FAM170A: variants seen among roughly 807,000 people sequenced by gnomAD.
The protein encoded by FAM170A is protein FAM170A.
FAM170A carries 28 observed loss-of-function variants against 36.6 expected under a neutral mutation model. That is an observed-to-expected ratio of 0.76 (90% CI 0.57 to 1.05). FAM170A has a LOEUF of 1.05. FAM170A is among the 50% of genes least tolerant of loss of function. The pLI is 0.00. For missense variants in FAM170A, 434 were observed against 396.5 expected (o/e 1.09, Z -0.80); for synonymous variants, 156 against 143.9 (o/e 1.08, Z -0.60).
chr5:119,634,520 C>G, exon 3 of FAM170A: 1 of 1,613,580 alleles, frequency 6.2e-7, no homozygotes, highest in Non-Finnish European at 8.5e-7. Context: ...CTTCAGCTGC[C>G]ACGTCTTTCA....
chr5:119,629,745 C>T, exon 1 of FAM170A: 2 of 1,601,108 alleles, frequency 1.2e-6, no homozygotes, highest in Non-Finnish European at 1.7e-6. Context: ...TAAGCATCTT[C>T]TAGAAACTCT....
intron 1 of FAM170A, among the ~76,000 whole-genome samples, chr5:119,630,048 C>T (rs979405121): frequency 5.9e-5 from 9 of 151,816 alleles, no homozygotes; most frequent in South Asian, 2.1e-4. Context: ...CCCACCACCA[C>T]GCCCGGCTAA....
exon 2 of FAM170A, chr5:119,632,812 C>A: frequency 6.2e-7 from 1 of 1,613,086 alleles, no homozygotes; most frequent in Non-Finnish European, 8.5e-7. Context: ...AAGGCTGGAG[C>A]CAAGGGGTGG....
chr5:119,634,437 G>T, exon 3 of FAM170A: 1 of 1,614,160 alleles, frequency 6.2e-7, no homozygotes, highest in East Asian at 2.2e-5. Context: ...GGCTTCAGGT[G>T]CATGGCCTGC....
intron 2 of FAM170A, among the ~76,000 whole-genome samples, chr5:119,633,556 C>T (rs549904623): frequency 6.7e-6 from 1 of 150,342 alleles, no homozygotes; most frequent in South Asian, 2.4e-4. Context: ...ACACCTCACA[C>T]ATACAGCCAC....
At chr5:119,634,630 A>T in exon 3 of FAM170A, 1 of 1,611,372 alleles carries the variant, frequency 6.2e-7, no homozygotes. Context: ...AAGAGAAACC[A>T]GAAGCAAAGG....
At chr5:119,630,849 C>T (rs941361526) in intron 1 of FAM170A, among the ~76,000 whole-genome samples, 1 of 152,180 alleles carries the variant, frequency 6.6e-6, no homozygotes, top group African/African-American at 2.4e-5. Context: ...CACCTTTTAG[C>T]AGAAACGAGA....
chr5:119,634,048 A>T (rs1050290931), exon 3 of FAM170A: 3 of 1,614,040 alleles, frequency 1.9e-6, no homozygotes, highest in Non-Finnish European at 1.7e-6. Flanking sequence ...CCCGCTCACA[A>T]CATGTCTCCT....
At chr5:119,629,890 C>A in intron 1 of FAM170A, 52 bp downstream of exon 1, 4 of 1,419,842 alleles carry the variant, frequency 2.8e-6, no homozygotes, top group Non-Finnish European at 4.0e-6. Flanking sequence ...CCAGCCTGAG[C>A]CGCCTTCTTT....
At position 119,632,889 on chromosome 5, in the gene FAM170A, G is replaced by T. The variant is rs540577967; in HGVS notation, c.211+1G>T. On this transcript the variant is annotated splice_donor_variant, in intron 2 of 4. Transcript: ENST00000613773. LOFTEE classifies it high-confidence loss of function. Reference sequence around the variant, plus strand: ...TCTTCACGCAAGCTCATCCACAGTGGTAAGGGTGCAGGGTTCCTTCGGCAC... The same window carrying T: ...TCTTCACGCAAGCTCATCCACAGTGTTAAGGGTGCAGGGTTCCTTCGGCAC... 1.3e-6 allele frequency: 2 copies of T among 1,596,660 alleles called. No individual in the cohort carries two copies. Among genetic ancestry groups the T allele is most frequent in the East Asian group, 4.5e-5 (2 of 44,474 alleles).
At chr5:119,634,300 C>T in exon 3 of FAM170A, 1 of 1,614,184 alleles carries the variant, frequency 6.2e-7, no homozygotes, top group Non-Finnish European at 8.5e-7. Context: ...TCCTGTCTGA[C>T]AGTGAGCCCA....
chr5:119,631,643 T>A (rs1756254530), intron 1 of FAM170A, among the ~76,000 whole-genome samples: 2 of 152,172 alleles, frequency 1.3e-5, no homozygotes. Context: ...GATATAGTTA[T>A]ATACACATAC....
At chr5:119,631,492 A>G (rs1756250308) in intron 1 of FAM170A, among the ~76,000 whole-genome samples, 1 of 151,936 alleles carries the variant, frequency 6.6e-6, no homozygotes, top group Non-Finnish European at 1.5e-5. Context: ...ACTTCCTATC[A>G]CCATGCCTGG....
chr5:119,631,527 A>G (rs1756251141), intron 1 of FAM170A, among the ~76,000 whole-genome samples: 1 of 152,164 alleles, frequency 6.6e-6, no homozygotes, highest in Non-Finnish European at 1.5e-5. Context: ...CAATACACAT[A>G]ACAGTGTATA....
chr5:119,634,773 A>G (rs775211872), intron 3 of FAM170A, 39 bp downstream of exon 3: 46 of 1,511,106 alleles, frequency 3.0e-5, no homozygotes, highest in Non-Finnish European at 4.1e-5. Flanking sequence ...TGAGGGAGCA[A>G]TGGCTTCCCC....
At chr5:119,634,798 T>C (rs1756344334) in intron 3 of FAM170A, 64 bp downstream of exon 3, 3 of 1,467,146 alleles carry the variant, frequency 2.0e-6, no homozygotes, top group Non-Finnish European at 2.8e-6. Flanking sequence ...CAGTACTGTC[T>C]CCCCAGTTCA....
chr5:119,632,722 C>G, intron 1 of FAM170A, 26 bp from the exon 2 acceptor site: 1 of 1,539,822 alleles, frequency 6.5e-7, no homozygotes, highest in South Asian at 1.2e-5. Flanking sequence ...TCCATCATAT[C>G]TCTGTTCCCT....
chr5:119,635,113 G>C, intron 4 of FAM170A, 27 bp downstream of exon 4: 3 of 1,546,426 alleles, frequency 1.9e-6, no homozygotes, highest in Non-Finnish European at 2.7e-6. Context: ...GCAGTTTTCT[G>C]AGGCTGTGTT....
exon 3 of FAM170A, chr5:119,634,363 C>G (rs1255466722): frequency 1.2e-6 from 2 of 1,614,202 alleles, no homozygotes; most frequent in Admixed American, 1.7e-5. Context: ...GCCTGCCAGG[C>G]TCACCCACCG....
Sources: allele counts gnomAD v4.1 joint callset (sites outside exome capture counted in the v4.1 genomes callset), GRCh38; gene constraint gnomAD v4.1.1; transcripts MANE v1.5; gene names NCBI Gene and HGNC (gene_info 2026-07-23, HGNC 2026-07-21).